Variants in KCNQ3 observed in about 807,000 individuals in gnomAD.
KCNQ3 encodes potassium voltage-gated channel subfamily Q member 3, also known as potassium voltage-gated channel subfamily KQT member 3.
KCNQ3 carries 30 observed loss-of-function variants against 92.5 expected under a neutral mutation model. The ratio of observed to expected loss-of-function variants is 0.32; its 90% CI spans 0.24 to 0.44. KCNQ3 has a LOEUF of 0.44. Ranked by LOEUF, KCNQ3 falls within the 20% of genes least tolerant of loss-of-function variation. KCNQ3 has a pLI of 1.00. For missense variants in KCNQ3, 913 were observed against 1,140.3 expected, an observed-to-expected ratio of 0.80 and a Z score of 2.87; for synonymous variants, 450 against 468.8, an observed-to-expected ratio of 0.96 and a Z score of 0.52.
chr8:132,337,083 T>C (rs999379877), intron 1 of KCNQ3, among the ~76,000 whole-genome samples: 7 of 152,190 alleles, frequency 4.6e-5, no homozygotes, highest in African/African-American at 1.7e-4. Flanking sequence ...TGTATAAAGG[T>C]CCCTTATTGC....
intron 1 of KCNQ3, among the ~76,000 whole-genome samples, chr8:132,306,405 T>C (rs932095193): frequency 6.6e-6 from 1 of 152,232 alleles, no homozygotes; most frequent in Admixed American, 6.5e-5. Context: ...TGCAGATCTC[T>C]GATCATCCAT....
chr8:132,135,034 T>C (rs915061538), intron 12 of KCNQ3, among the ~76,000 whole-genome samples: 10 of 152,178 alleles, frequency 6.6e-5, no homozygotes, highest in Admixed American at 3.9e-4. Context: ...GTTTGTTACA[T>C]AGGTAAACAT....
intron 1 of KCNQ3, among the ~76,000 whole-genome samples, chr8:132,475,497 T>G (rs541521667): frequency 1.1e-4 from 17 of 152,286 alleles, no homozygotes; most frequent in African/African-American, 3.9e-4. Flanking sequence ...TAAAGGACAC[T>G]TATGGTATGC....
intron 1 of KCNQ3, among the ~76,000 whole-genome samples, chr8:132,375,861 C>T (rs755055508): frequency 1.3e-5 from 2 of 152,202 alleles, no homozygotes; most frequent in Non-Finnish European, 2.9e-5. Flanking sequence ...GGTAAATGCT[C>T]ACCTATGCTC....
chr8:132,144,272 A>C (rs1361289468), intron 9 of KCNQ3, among the ~76,000 whole-genome samples: 2 of 152,220 alleles, frequency 1.3e-5, no homozygotes. Context: ...CATTGCACCT[A>C]AGAGGCTTAT....
chr8:132,272,794 T>G (rs907861761), intron 1 of KCNQ3, among the ~76,000 whole-genome samples: 6 of 152,180 alleles, frequency 3.9e-5, no homozygotes, highest in Non-Finnish European at 7.3e-5. Flanking sequence ...GGAGTTAAAA[T>G]TCAAGATGAG....
chr8:132,298,263 A>G (rs747228309), intron 1 of KCNQ3, among the ~76,000 whole-genome samples: 1 of 152,210 alleles, frequency 6.6e-6, no homozygotes, highest in Middle Eastern at 3.2e-3. Context: ...TTCATGGGGT[A>G]TGAGATTTGA....
intron 1 of KCNQ3, among the ~76,000 whole-genome samples, chr8:132,426,481 C>A (rs549959602): frequency 2.2e-4 from 34 of 152,328 alleles, no homozygotes; most frequent in African/African-American, 7.5e-4. Context: ...CACATGCAAT[C>A]CTCATGGGGA....
At chr8:132,409,817 T>G (rs1820600973) in intron 1 of KCNQ3, among the ~76,000 whole-genome samples, 1 of 152,230 alleles carries the variant, frequency 6.6e-6, no homozygotes, top group African/African-American at 2.4e-5. Context: ...AGCCCCATTC[T>G]AAGACTGGCC....
intron 1 of KCNQ3, among the ~76,000 whole-genome samples, chr8:132,266,211 A>G (rs1045622323): frequency 7.9e-5 from 12 of 152,228 alleles, no homozygotes; most frequent in Non-Finnish European, 1.5e-5. Flanking sequence ...CTTGATTGGT[A>G]GACAGATTTC....
chr8:132,266,309 G>C (rs1019799480), intron 1 of KCNQ3, among the ~76,000 whole-genome samples: 1 of 152,158 alleles, frequency 6.6e-6, no homozygotes, highest in Non-Finnish European at 1.5e-5. Context: ...CCACCTCAGG[G>C]GATTGAGGGA....
At chr8:132,202,834 C>T (rs998573772) in intron 1 of KCNQ3, among the ~76,000 whole-genome samples, 2 of 152,202 alleles carry the variant, frequency 1.3e-5, no homozygotes, top group African/African-American at 4.8e-5. Context: ...CAAATTCTTG[C>T]AGCCTCTGCC....
At chr8:132,287,909 A>G (rs553656554) in intron 1 of KCNQ3, among the ~76,000 whole-genome samples, 1 of 152,328 alleles carries the variant, frequency 6.6e-6, no homozygotes, top group African/African-American at 2.4e-5. Context: ...ACTGAAATGT[A>G]CACTATAAAA....
chr8:132,361,303 G>A (rs4736414), intron 1 of KCNQ3, among the ~76,000 whole-genome samples: 64,030 of 152,026 alleles, frequency 0.42, 14,586 homozygotes, highest in African/African-American at 0.59. Context: ...TCTGCGGCAC[G>A]AACCTCCTCA....
intron 1 of KCNQ3, among the ~76,000 whole-genome samples, chr8:132,244,920 C>CG (rs770536394): frequency 8.9e-6 from 1 of 112,376 alleles, no homozygotes; most frequent in Non-Finnish European, 1.7e-5. Flanking sequence ...CTCACTTGAC[C>CG]AAAAAAAAAA....
intron 1 of KCNQ3, among the ~76,000 whole-genome samples, chr8:132,266,870 C>T (rs1815998811): frequency 6.6e-6 from 1 of 152,184 alleles, no homozygotes; most frequent in African/African-American, 2.4e-5. Flanking sequence ...AAGATGAATA[C>T]TGGGTCTCTG....
chr8:132,192,635 TTG>T (rs1161688971), intron 1 of KCNQ3, among the ~76,000 whole-genome samples: 1 of 151,966 alleles, frequency 6.6e-6, no homozygotes, highest in Non-Finnish European at 1.5e-5. Flanking sequence ...CTGGTGTTTC[TTG>T]TGTTTGTTTG....
At chr8:132,236,356 G>A (rs982086285) in intron 1 of KCNQ3, among the ~76,000 whole-genome samples, 2 of 152,014 alleles carry the variant, frequency 1.3e-5, no homozygotes, top group South Asian at 2.1e-4. Context: ...CCAAACACAC[G>A]AAGCAAACAA....
chr8:132,314,475 A>T (rs1008613609), intron 1 of KCNQ3, among the ~76,000 whole-genome samples: 5 of 152,254 alleles, frequency 3.3e-5, no homozygotes, highest in African/African-American at 1.2e-4. Flanking sequence ...CTATTCTAAA[A>T]TACAACTGAA....
Sources: allele counts gnomAD v4.1 joint callset (sites outside exome capture counted in the v4.1 genomes callset), GRCh38; gene constraint gnomAD v4.1.1; transcripts MANE v1.5; gene names NCBI Gene and HGNC (gene_info 2026-07-23, HGNC 2026-07-21).